Variants in DACH1 observed in about 807,000 individuals in gnomAD.
The protein encoded by DACH1 is dachshund homolog 1.
DACH1 carries 12 observed loss-of-function variants against 54.2 expected under a neutral mutation model. The ratio of observed to expected loss-of-function variants is 0.22; its 90% CI spans 0.14 to 0.36. DACH1 has a LOEUF of 0.36. Among genes scored for constraint, DACH1 ranks in the 10% least tolerant of loss-of-function variants. The pLI is 1.00. For synonymous variants in DACH1, 386 were observed against 366.2 expected, an observed-to-expected ratio of 1.05 and a Z score of -0.62; for missense variants, 805 against 929.8, an observed-to-expected ratio of 0.87 and a Z score of 1.75.
intron 3 of DACH1, among the ~76,000 whole-genome samples, chr13:71,602,677 T>C (rs1012914034): frequency 6.6e-6 from 1 of 151,972 alleles, no homozygotes; most frequent in African/African-American, 2.4e-5. Context: ...AAAAACAATA[T>C]CTAATCAAGG....
chr13:71,479,395 G>T, intron 7 of DACH1, 79 bp from the exon 8 acceptor site: 1 of 1,423,214 alleles, frequency 7.0e-7, no homozygotes, highest in Non-Finnish European at 9.6e-7. Context: ...CATTTTCAAA[G>T]CAAAGAACCC....
intron 1 of DACH1, among the ~76,000 whole-genome samples, chr13:71,708,658 G>A (rs117283720): frequency 4.0e-5 from 6 of 151,576 alleles, no homozygotes; most frequent in African/African-American, 1.2e-4. Context: ...AATAATCTTC[G>A]TTGAAGATTT....
chr13:71,617,698 A>G (rs1026126634), intron 3 of DACH1, among the ~76,000 whole-genome samples: 2 of 152,218 alleles, frequency 1.3e-5, no homozygotes, highest in African/African-American at 4.8e-5. Context: ...GAAACACCAC[A>G]TTACAAAATT....
chr13:71,768,207 G>A (rs1014361623), intron 1 of DACH1, among the ~76,000 whole-genome samples: 6 of 151,432 alleles, frequency 4.0e-5, no homozygotes, highest in Admixed American at 3.9e-4. Flanking sequence ...TACCTTCATC[G>A]TCACTCTCCT....
At chr13:71,684,623 C>G (rs1046181763) in intron 1 of DACH1, among the ~76,000 whole-genome samples, 1 of 152,000 alleles carries the variant, frequency 6.6e-6, no homozygotes, top group African/African-American at 2.4e-5. Context: ...CTGTGCTCTA[C>G]GATAGAGCAT....
intron 6 of DACH1, among the ~76,000 whole-genome samples, chr13:71,543,846 A>G (rs866713164): frequency 1.3e-5 from 2 of 152,160 alleles, no homozygotes; most frequent in Admixed American, 1.3e-4. Context: ...CCTTAGCCGT[A>G]GATTTAAATA....
chr13:71,499,499 G>C (rs1282143208), intron 6 of DACH1, among the ~76,000 whole-genome samples: 1 of 152,084 alleles, frequency 6.6e-6, no homozygotes, highest in Non-Finnish European at 1.5e-5. Context: ...GCTTTATATA[G>C]AAACTGTTTT....
At chr13:71,505,479 T>C (rs1189355614) in intron 6 of DACH1, among the ~76,000 whole-genome samples, 2 of 152,170 alleles carry the variant, frequency 1.3e-5, no homozygotes, top group Admixed American at 1.3e-4. Flanking sequence ...AATTTCAAAG[T>C]AAAGCAGATT....
At chr13:71,792,012 A>C (rs113112051) in intron 1 of DACH1, among the ~76,000 whole-genome samples, 233 of 152,284 alleles carry the variant, frequency 1.5e-3, no homozygotes, top group African/African-American at 5.4e-3. Flanking sequence ...CTCATTTGGT[A>C]CATGATGATG....
intron 1 of DACH1, among the ~76,000 whole-genome samples, chr13:71,769,651 T>G: frequency 6.6e-6 from 1 of 151,674 alleles, no homozygotes. Flanking sequence ...TACCAAGATT[T>G]TAAAACCATT....
chr13:71,455,771 T>A (rs1875505585), intron 10 of DACH1, among the ~76,000 whole-genome samples: 2 of 152,172 alleles, frequency 1.3e-5, no homozygotes, highest in African/African-American at 2.4e-5. Context: ...ACATATTTAG[T>A]GTTCCTGAGA....
rs182945923 is a variant in DACH1, at chr13:71,767,517, C to G, written c.849-85607G>C. On this transcript the variant is annotated intron_variant, in intron 1 of 10. Transcript: ENST00000613252. ...TATGACAGAGATCAAGCTTCACAGTCGCTTTTTATCCTCCTCATCATAGAA... is the reference window on the plus strand; with the variant it reads ...TATGACAGAGATCAAGCTTCACAGTGGCTTTTTATCCTCCTCATCATAGAA... Among the ~76,000 whole-genome samples the G allele has an allele frequency of 4.2e-3, 633 of 152,092 alleles. 6 individuals are homozygous for G. The highest frequency in any genetic ancestry group is 0.027 in the Middle Eastern group (8 of 292).
chr13:71,551,639 A>T (rs1472503527), intron 6 of DACH1, among the ~76,000 whole-genome samples: 1 of 152,074 alleles, frequency 6.6e-6, no homozygotes, highest in Non-Finnish European at 1.5e-5. Context: ...ATCTTGATTT[A>T]AGTTAGGATT....
At chr13:71,528,515 C>T (rs1428645368) in intron 6 of DACH1, among the ~76,000 whole-genome samples, 1 of 150,340 alleles carries the variant, frequency 6.7e-6, no homozygotes, top group African/African-American at 2.5e-5. Context: ...TCAAGCTCCG[C>T]CTCCCGGGTT....
chr13:71,548,274 C>T (rs1883587031), intron 6 of DACH1, among the ~76,000 whole-genome samples: 1 of 152,118 alleles, frequency 6.6e-6, no homozygotes, highest in Admixed American at 6.6e-5. Flanking sequence ...GTTTATATCT[C>T]AGGTTAGAAA....
At chr13:71,821,723 G>A (rs2138184228) in intron 1 of DACH1, among the ~76,000 whole-genome samples, 1 of 152,098 alleles carries the variant, frequency 6.6e-6, no homozygotes, top group Non-Finnish European at 1.5e-5. Flanking sequence ...GATATCCACA[G>A]TCTCTTTAAT....
In DACH1 at chr13:71,503,357, ATAATT is replaced by A. The variant is rs201723947; in HGVS notation, c.1571-14214_1571-14210del. On this transcript the variant is annotated intron_variant, in intron 6 of 10. Transcript: ENST00000613252. ...ATATATGACTTGTTGAATATCTGAT[ATAATT>A]TATTTTCAAAACTAGTTAATTTATT... 6.7e-4 allele frequency among the ~76,000 whole-genome samples: 102 copies of A among 152,304 alleles called. 1 individual carries two copies. The East Asian group carries it at 0.018, about 27-fold the overall frequency.
At chr13:71,721,045 A>T (rs11840152) in intron 1 of DACH1, among the ~76,000 whole-genome samples, 7,623 of 152,262 alleles carry the variant, frequency 0.05, 605 homozygotes, top group African/African-American at 0.17. Flanking sequence ...GTTGGAAAAA[A>T]TAGGGAAACA....
intron 3 of DACH1, among the ~76,000 whole-genome samples, chr13:71,594,069 G>C (rs146298393): frequency 6.6e-6 from 1 of 150,866 alleles, no homozygotes; most frequent in Admixed American, 6.6e-5. Context: ...TTCATAACTT[G>C]GTGTTTTAAA....
Sources: allele counts gnomAD v4.1 joint callset (sites outside exome capture counted in the v4.1 genomes callset), GRCh38; gene constraint gnomAD v4.1.1; transcripts MANE v1.5; gene names NCBI Gene and HGNC (gene_info 2026-07-23, HGNC 2026-07-21).